SYT16: variants seen among roughly 807,000 people sequenced by gnomAD.
SYT16 encodes synaptotagmin-16.
A neutral mutation model predicts 61.4 loss-of-function variants in SYT16; 42 were observed. The ratio of observed to expected loss-of-function variants is 0.68; its 90% CI spans 0.53 to 0.89. The LOEUF (loss-of-function observed/expected upper bound fraction) is 0.89. SYT16 is among the 40% of genes least tolerant of loss of function. The pLI is 0.00. For missense variants in SYT16, 804 were observed against 807.3 expected, an observed-to-expected ratio of 1.00 and a Z score of 0.05; for synonymous variants, 314 against 302.3, an observed-to-expected ratio of 1.04 and a Z score of -0.40.
intron 3 of SYT16, among the ~76,000 whole-genome samples, chr14:62,017,500 T>C (rs1011545857): frequency 5.3e-5 from 8 of 152,230 alleles, no homozygotes; most frequent in African/African-American, 1.9e-4. Flanking sequence ...CTCAAAATCC[T>C]GTGCTTTCCA....
chr14:61,959,015 CTT>C (rs2051002774), intron 1 of SYT16, among the ~76,000 whole-genome samples: 1 of 152,042 alleles, frequency 6.6e-6, no homozygotes, highest in South Asian at 2.1e-4. Flanking sequence ...TTCTTTGTCT[CTT>C]GTGACAGTTT....
In SYT16 at chr14:62,106,768, A is replaced by G; in HGVS notation, c.*6061A>G. On this transcript the variant is annotated 3_prime_UTR_variant, in exon 8 of 8. Transcript: ENST00000683842. ...ACTGTTTTTGTTTCCCTTGGGTCAC[A>G]AAACCATATCCTAGACACACAGACA... The G allele has an allele frequency of 6.6e-6, 1 of 152,124 alleles. No individual in the cohort carries two copies. Among genetic ancestry groups the G allele is most frequent in the African/African-American group, 2.4e-5 (1 of 41,424 alleles). 9.4% of individuals were successfully genotyped at this position (152,124 alleles called of 1,614,324 possible).
intron 1 of SYT16, among the ~76,000 whole-genome samples, chr14:61,924,166 A>C (rs1210961065): frequency 6.6e-6 from 1 of 152,166 alleles, no homozygotes; most frequent in Admixed American, 6.6e-5. Context: ...TACTCCCAGC[A>C]CTGTGCTAGG....
chr14:61,989,604 T>A (rs1304418524), intron 2 of SYT16, among the ~76,000 whole-genome samples: 1 of 152,062 alleles, frequency 6.6e-6, no homozygotes, highest in Non-Finnish European at 1.5e-5. Context: ...ATTGTCTAAT[T>A]TGATTTCCAT....
At chr14:61,948,983 A>G (rs142065520) in intron 1 of SYT16, among the ~76,000 whole-genome samples, 1 of 152,128 alleles carries the variant, frequency 6.6e-6, no homozygotes, top group Non-Finnish European at 1.5e-5. Flanking sequence ...AGTGAGAGAG[A>G]CCTTAGGAGG....
intron 1 of SYT16, among the ~76,000 whole-genome samples, chr14:61,845,908 A>T (rs1022945228): frequency 1.3e-5 from 2 of 152,138 alleles, no homozygotes; most frequent in Admixed American, 6.5e-5. Context: ...AAAATTTTCA[A>T]TTTCCTTCTT....
At chr14:61,961,699 G>A (rs905647398) in intron 1 of SYT16, among the ~76,000 whole-genome samples, 1 of 152,126 alleles carries the variant, frequency 6.6e-6, no homozygotes, top group African/African-American at 2.4e-5. Flanking sequence ...ATTGTGGAAA[G>A]CAGGTTAGTG....
chr14:61,853,975 A>C (rs1226326663), intron 1 of SYT16, among the ~76,000 whole-genome samples: 1 of 152,230 alleles, frequency 6.6e-6, no homozygotes, highest in African/African-American at 2.4e-5. Flanking sequence ...TAAGTCAAAA[A>C]GGTGTACACA....
intron 1 of SYT16, among the ~76,000 whole-genome samples, chr14:61,825,957 C>T (rs1357869453): frequency 6.6e-6 from 1 of 152,122 alleles, no homozygotes; most frequent in Non-Finnish European, 1.5e-5. Context: ...TTCCTGCCAC[C>T]CCATAGTTCA....
intron 3 of SYT16, among the ~76,000 whole-genome samples, chr14:62,065,249 T>C (rs56141450): frequency 0.087 from 13,248 of 152,244 alleles, 891 homozygotes; most frequent in African/African-American, 0.19. Context: ...GTTAGGGACA[T>C]AGATGCTACG....
chr14:61,931,461 C>T (rs1302047841), intron 1 of SYT16, among the ~76,000 whole-genome samples: 2 of 152,140 alleles, frequency 1.3e-5, no homozygotes, highest in Non-Finnish European at 2.9e-5. Context: ...CGAAGACACT[C>T]AGAGATGATT....
chr14:62,061,747 GAAGACGT>G (rs767382170), intron 3 of SYT16, among the ~76,000 whole-genome samples: 12 of 151,968 alleles, frequency 7.9e-5, no homozygotes, highest in Non-Finnish European at 1.6e-4. Flanking sequence ...ATACATGGAG[GAAGACGT>G]AACAAACTAA....
In SYT16 at chr14:62,111,766, A is replaced by G. The variant is rs2057612849; in HGVS notation, c.*11059A>G. 1.3e-5 allele frequency: 2 copies of G among 151,980 alleles called. No homozygotes were observed. Among genetic ancestry groups the G allele is most frequent in the African/African-American group, 4.8e-5 (2 of 41,418 alleles). 9.4% of individuals were successfully genotyped at this position (151,980 alleles called of 1,614,324 possible). On this transcript the variant is annotated 3_prime_UTR_variant, in exon 8 of 8. Coordinates refer to ENST00000683842, the MANE Select transcript of SYT16 (RefSeq NM_001367656.1). ...GAATTCGTATGTGGTCCAGAGGTTCAAGAGAGAGAGAGAAAAAATTTCTCC... is the reference window on the plus strand; with the variant it reads ...GAATTCGTATGTGGTCCAGAGGTTCGAGAGAGAGAGAGAAAAAATTTCTCC...
At chr14:61,821,762 G>T (rs1376372344) in intron 1 of SYT16, among the ~76,000 whole-genome samples, 1 of 152,196 alleles carries the variant, frequency 6.6e-6, no homozygotes, top group Admixed American at 6.5e-5. Context: ...TCAAAAGGAA[G>T]GGATTAAACA....
chr14:62,096,405 C>T (rs914949466), intron 7 of SYT16, among the ~76,000 whole-genome samples: 7 of 151,832 alleles, frequency 4.6e-5, no homozygotes, highest in East Asian at 1.9e-4. Flanking sequence ...TAGAGAAAAA[C>T]GTTCACTGAA....
intron 1 of SYT16, among the ~76,000 whole-genome samples, chr14:61,821,096 T>C (rs1035680662): frequency 7.9e-5 from 12 of 152,080 alleles, no homozygotes. Context: ...ACACCAGCTC[T>C]ATTAGTGTCA....
At chr14:61,944,177 G>C (rs1378733263) in intron 1 of SYT16, among the ~76,000 whole-genome samples, 1 of 152,142 alleles carries the variant, frequency 6.6e-6, no homozygotes, top group African/African-American at 2.4e-5. Context: ...AACTTACATG[G>C]GGTGTGAAAG....
At chr14:61,826,000 T>A (rs748946736) in intron 1 of SYT16, among the ~76,000 whole-genome samples, 1 of 152,114 alleles carries the variant, frequency 6.6e-6, no homozygotes, top group Non-Finnish European at 1.5e-5. Context: ...AGTGCTTTCA[T>A]AGTGCATCAT....
intron 1 of SYT16, among the ~76,000 whole-genome samples, chr14:61,961,879 A>G (rs550624115): frequency 1.3e-5 from 2 of 152,316 alleles, no homozygotes; most frequent in African/African-American, 2.4e-5. Flanking sequence ...ATGCCCATCA[A>G]TGGTAGACTT....
Sources: allele counts gnomAD v4.1 joint callset (sites outside exome capture counted in the v4.1 genomes callset), GRCh38; gene constraint gnomAD v4.1.1; transcripts MANE v1.5; gene names NCBI Gene and HGNC (gene_info 2026-07-23, HGNC 2026-07-21).